The following ASB15 variants were observed in gnomAD, a reference collection of about 807,000 sequenced individuals.
ASB15 encodes ankyrin repeat and SOCS box containing 15.
ASB15 carries 54 observed loss-of-function variants against 58.0 expected under a neutral mutation model. That is an observed-to-expected ratio of 0.93 (90% CI 0.75 to 1.17). ASB15 has a LOEUF of 1.17. Among genes scored for constraint, ASB15 ranks in the 50% most tolerant of loss-of-function variants. ASB15 has a pLI of 0.00. For synonymous variants in ASB15, 249 were observed against 262.4 expected, an observed-to-expected ratio of 0.95 and a Z score of 0.50; for missense variants, 680 against 707.4, an observed-to-expected ratio of 0.96 and a Z score of 0.44.
At position 123,628,805 on chromosome 7, in the gene ASB15, G is replaced by T. The variant is rs375941572; in HGVS notation, c.870-59G>T. ...ATTCACTTATCTAGTGAGAACGGTA[G>T]TTTATTTAATTTCTTGATTTTCTTT... is the stretch of plus-strand genomic sequence containing the variant. On this transcript the variant is annotated intron_variant, in intron 9 of 11. Transcript: ENST00000451215. The T allele has an allele frequency of 2.3e-4, 279 of 1,210,386 alleles. No homozygotes were observed. In the African/African-American group the frequency reaches 3.3e-3, roughly 14 times the overall value. The allele number at this position is 1,210,386 out of a possible 1,614,324, so 75.0% of individuals were successfully genotyped here. A position where few individuals can be genotyped will look rare whatever the true frequency, so the allele number is the denominator to read the frequency against.
intron 1 of ASB15, among the ~76,000 whole-genome samples, chr7:123,569,424 T>C (rs1798845203): frequency 6.6e-6 from 1 of 152,118 alleles, no homozygotes; most frequent in East Asian, 1.9e-4. Flanking sequence ...CAACATAATA[T>C]TTAAAAAGTC....
intron 1 of ASB15, among the ~76,000 whole-genome samples, chr7:123,586,608 C>A (rs1799381241): frequency 6.6e-6 from 1 of 151,640 alleles, no homozygotes; most frequent in Non-Finnish European, 1.5e-5. Context: ...CTTTTGGTGT[C>A]ATATCCAAAA....
intron 2 of ASB15, among the ~76,000 whole-genome samples, chr7:123,605,380 T>C (rs1479637127): frequency 6.6e-6 from 1 of 152,160 alleles, no homozygotes; most frequent in African/African-American, 2.4e-5. Flanking sequence ...AGGGAATGCT[T>C]ATACAATGCT....
chr7:123,628,682 A>G (rs901852279), intron 9 of ASB15, among the ~76,000 whole-genome samples, 182 bp from the exon 10 acceptor site: 3 of 152,246 alleles, frequency 2.0e-5, no homozygotes, highest in African/African-American at 7.2e-5. Flanking sequence ...AAACTGAGCT[A>G]CATTACACTA....
intron 3 of ASB15, chr7:123,608,953 T>C (rs1800288922): frequency 1.4e-5 from 2 of 148,114 alleles, no homozygotes; most frequent in African/African-American, 5.0e-5. Flanking sequence ...ATAACAACTG[T>C]ATTTTTTTTA....
intron 1 of ASB15, among the ~76,000 whole-genome samples, chr7:123,591,799 T>C (rs1799547177): frequency 6.6e-6 from 1 of 152,212 alleles, no homozygotes; most frequent in Admixed American, 6.5e-5. Context: ...GGTATCAGGA[T>C]GATGCTGACC....
At chr7:123,620,383 AC>A (rs1370647996) in intron 7 of ASB15, 1 of 150,618 alleles carries the variant, frequency 6.6e-6, no homozygotes, top group African/African-American at 2.4e-5. Flanking sequence ...CCTTTAAATC[AC>A]AGTCACGTGA....
rs1389763141 is a variant in ASB15 at position 123,619,663 on chromosome 7, A to G, written c.451+1926A>G. The stretch of plus-strand genomic sequence containing the variant: ...CTCAGCCTCCCGAGTAGCTGGGACT[A>G]CAGGCGCCCGCCACCACGCCCAGCT... On this transcript the variant is annotated intron_variant, in intron 7 of 11. Transcript: ENST00000451215. Among the ~76,000 whole-genome samples the G allele has an allele frequency of 5.9e-5, 9 of 152,228 alleles. No homozygotes were observed. The East Asian group carries it at 1.5e-3, about 26-fold the overall frequency.
chr7:123,586,146 A>C (rs1443853077), intron 1 of ASB15, among the ~76,000 whole-genome samples: 1 of 151,822 alleles, frequency 6.6e-6, no homozygotes, highest in Non-Finnish European at 1.5e-5. Context: ...TTTTTGAGGA[A>C]CCACCAAACT....
At chr7:123,628,440 C>A (rs1178952364) in intron 9 of ASB15, among the ~76,000 whole-genome samples, 1 of 152,186 alleles carries the variant, frequency 6.6e-6, no homozygotes, top group Non-Finnish European at 1.5e-5. Flanking sequence ...CATCCAGGGT[C>A]ACTTCCTATC....
intron 2 of ASB15, among the ~76,000 whole-genome samples, chr7:123,605,483 G>A (rs961538377): frequency 4.6e-5 from 7 of 152,060 alleles, no homozygotes; most frequent in African/African-American, 9.7e-5. Context: ...TCCAGTAATC[G>A]CATTTTTGGA....
At chr7:123,605,523 A>G (rs1409431573) in intron 2 of ASB15, among the ~76,000 whole-genome samples, 1 of 152,238 alleles carries the variant, frequency 6.6e-6, no homozygotes, top group Non-Finnish European at 1.5e-5. Context: ...AAATCACCGT[A>G]CCATAAAGAT....
chr7:123,594,082 CT>C (rs1157471314), intron 1 of ASB15, among the ~76,000 whole-genome samples: 2 of 152,044 alleles, frequency 1.3e-5, no homozygotes, highest in Non-Finnish European at 2.9e-5. Context: ...GCTACTGAAG[CT>C]TGTGTATGCT....
intron 1 of ASB15, among the ~76,000 whole-genome samples, chr7:123,583,495 A>C (rs1799291869): frequency 6.6e-6 from 1 of 152,000 alleles, no homozygotes. Context: ...AAGAAAATGC[A>C]ATAAAATGAG....
intron 1 of ASB15, among the ~76,000 whole-genome samples, chr7:123,589,853 T>C (rs1196335953): frequency 6.6e-6 from 1 of 152,186 alleles, no homozygotes; most frequent in Admixed American, 6.5e-5. Context: ...GATCGCTAAG[T>C]CAAATGGTAT....
rs1252292586 is a variant in ASB15 at position 123,617,672 on chromosome 7, C to T, written c.386C>T (p.Thr129Ile). ...VKAGLVENVR[T>I]LLEKGVWPNT... ...GCTGGTCTGGTGGAAAATGTAAGAA[C>T]TTTATTAGAAAAGGGAGTGTGGCCC... The change falls in exon 7 of 12, where the codon ACT (threonine) becomes ATT (isoleucine). Residue 129 changes from threonine to isoleucine, a missense_variant. Transcript: ENST00000451215. 1.9e-6 allele frequency: 3 copies of T among 1,612,530 alleles called. No homozygotes were observed. The highest frequency in any genetic ancestry group is 2.2e-5 in the East Asian group (1 of 44,852).
intron 3 of ASB15, chr7:123,612,545 A>G (rs1209169942): frequency 1.3e-5 from 2 of 152,204 alleles, no homozygotes; most frequent in East Asian, 3.9e-4. Context: ...TATAGGAGGA[A>G]TGTCTTGTGC....
At chr7:123,578,003 A>G (rs538164560) in intron 1 of ASB15, among the ~76,000 whole-genome samples, 16 of 151,516 alleles carry the variant, frequency 1.1e-4, no homozygotes, top group Non-Finnish European at 1.6e-4. Context: ...TCAACCCATC[A>G]CCTACATTAA....
intron 7 of ASB15, among the ~76,000 whole-genome samples, chr7:123,620,896 G>A (rs1801280662): frequency 6.6e-6 from 1 of 151,714 alleles, no homozygotes; most frequent in Non-Finnish European, 1.5e-5. Context: ...GCCAGAATAT[G>A]CCACAGGAGT....
Sources: allele counts gnomAD v4.1 joint callset (sites outside exome capture counted in the v4.1 genomes callset), GRCh38; gene constraint gnomAD v4.1.1; transcripts MANE v1.5; gene names NCBI Gene and HGNC (gene_info 2026-07-23, HGNC 2026-07-21).